Variants in LIN7A observed in about 807,000 individuals in gnomAD.
The protein encoded by LIN7A is protein lin-7 homolog A.
LIN7A carries 25 observed loss-of-function variants against 29.8 expected under a neutral mutation model. The observed-to-expected ratio is 0.84, with a 90% CI of 0.61 to 1.17. The LOEUF (loss-of-function observed/expected upper bound fraction) is 1.17. Ranked by LOEUF, LIN7A falls within the 50% of genes most tolerant of loss-of-function variation. LIN7A has a pLI of 0.00. For synonymous variants in LIN7A, 118 were observed against 107.5 expected, an observed-to-expected ratio of 1.10 and a Z score of -0.60; for missense variants, 239 against 287.0, an observed-to-expected ratio of 0.83 and a Z score of 1.21.
intron 4 of LIN7A, among the ~76,000 whole-genome samples, chr12:80,825,279 C>T (rs1872008026): frequency 6.6e-6 from 1 of 152,138 alleles, no homozygotes; most frequent in Admixed American, 6.5e-5. Context: ...TCATTTTTGC[C>T]CACTCTGCAA....
At chr12:80,886,208 T>A (rs1163143372) in intron 2 of LIN7A, among the ~76,000 whole-genome samples, 1 of 152,010 alleles carries the variant, frequency 6.6e-6, no homozygotes, top group African/African-American at 2.4e-5. Context: ...TTCAAAGTTT[T>A]TTTTTTTTGC....
At chr12:80,823,002 A>G (rs1190306016) in intron 4 of LIN7A, among the ~76,000 whole-genome samples, 1 of 152,138 alleles carries the variant, frequency 6.6e-6, no homozygotes, top group Admixed American at 6.5e-5. Flanking sequence ...TCTGAAGCCC[A>G]TACAAACCCC....
At chr12:80,924,640 G>A (rs1442674309) in intron 1 of LIN7A, among the ~76,000 whole-genome samples, 1 of 152,138 alleles carries the variant, frequency 6.6e-6, no homozygotes, top group Non-Finnish European at 1.5e-5. Context: ...TGGATCCAAA[G>A]CTCATACCCC....
chr12:80,813,019 AT>A (rs201947094), intron 4 of LIN7A, among the ~76,000 whole-genome samples: 111 of 151,432 alleles, frequency 7.3e-4, no homozygotes, highest in Middle Eastern at 6.9e-3. Flanking sequence ...ATACAGATAT[AT>A]TTTTTTTTGA....
chr12:80,895,956 C>T (rs1473688993), intron 1 of LIN7A, among the ~76,000 whole-genome samples: 1 of 152,198 alleles, frequency 6.6e-6, no homozygotes, highest in Non-Finnish European at 1.5e-5. Flanking sequence ...ATATATGCTT[C>T]ACTATTTGGT....
At chr12:80,912,012 C>CTATT (rs2307972) in intron 1 of LIN7A, among the ~76,000 whole-genome samples, 110,790 of 151,756 alleles carry the variant, frequency 0.73, 43,071 homozygotes, top group Non-Finnish European at 0.88. Flanking sequence ...ATTTATTTCT[C>CTATT]TATTAACAGA....
intron 1 of LIN7A, among the ~76,000 whole-genome samples, chr12:80,896,010 C>G (rs890471673): frequency 6.6e-6 from 1 of 152,156 alleles, no homozygotes; most frequent in African/African-American, 2.4e-5. Flanking sequence ...GCCAGGAGAG[C>G]AGGTGACTTT....
At chr12:80,889,638 G>A (rs1235484092) in intron 1 of LIN7A, among the ~76,000 whole-genome samples, 1 of 152,132 alleles carries the variant, frequency 6.6e-6, no homozygotes, top group Non-Finnish European at 1.5e-5. Flanking sequence ...TGTCAGTAAA[G>A]AGTTGGACAC....
chr12:80,904,176 T>C (rs189247733), intron 1 of LIN7A, among the ~76,000 whole-genome samples: 10 of 152,166 alleles, frequency 6.6e-5, no homozygotes, highest in Admixed American at 6.5e-4. Flanking sequence ...ATTTATTTAT[T>C]TTTAATCAAC....
chr12:80,898,155 G>GT (rs1235051211), intron 1 of LIN7A, among the ~76,000 whole-genome samples: 8 of 152,182 alleles, frequency 5.3e-5, no homozygotes, highest in Admixed American at 5.2e-4. Context: ...TGTGTGTGGT[G>GT]TAAGGAAGGG....
At chr12:80,892,224 T>C (rs1875661924) in intron 1 of LIN7A, among the ~76,000 whole-genome samples, 1 of 152,238 alleles carries the variant, frequency 6.6e-6, no homozygotes, top group South Asian at 2.1e-4. Flanking sequence ...TCCACATCCC[T>C]GTGTCTTGGC....
intron 5 of LIN7A, among the ~76,000 whole-genome samples, chr12:80,798,557 A>C (rs1008464553): frequency 2.0e-5 from 3 of 152,192 alleles, no homozygotes; most frequent in Non-Finnish European, 2.9e-5. Context: ...ATTATATAAC[A>C]ACACATAAGC....
At chr12:80,881,158 G>A (rs1875009663) in intron 2 of LIN7A, among the ~76,000 whole-genome samples, 1 of 72,920 alleles carries the variant, frequency 1.4e-5, no homozygotes, top group Non-Finnish European at 6.0e-5. Flanking sequence ...TCTTCTCCAG[G>A]GGAAAAAAAT....
chr12:80,872,029 T>G (rs1874452189), intron 2 of LIN7A, among the ~76,000 whole-genome samples: 1 of 152,116 alleles, frequency 6.6e-6, no homozygotes. Flanking sequence ...GAAATTCAAG[T>G]TGAAGAAAAT....
At chr12:80,820,593 G>A (rs1871751305) in intron 4 of LIN7A, among the ~76,000 whole-genome samples, 1 of 151,186 alleles carries the variant, frequency 6.6e-6, no homozygotes, top group South Asian at 2.1e-4. Flanking sequence ...ACCAAAAGGG[G>A]GGAAAAGTCC....
intron 4 of LIN7A, among the ~76,000 whole-genome samples, chr12:80,845,088 T>A (rs1056489651): frequency 1.6e-4 from 25 of 151,834 alleles, no homozygotes; most frequent in Non-Finnish European, 2.9e-5. Flanking sequence ...AATACAAAAA[T>A]TAACCGGGCT....
intron 1 of LIN7A, among the ~76,000 whole-genome samples, chr12:80,932,987 C>G (rs1270342820): frequency 6.6e-6 from 1 of 152,182 alleles, no homozygotes; most frequent in Non-Finnish European, 1.5e-5. Context: ...GAATTCCACA[C>G]TAATCTCCTT....
At chr12:80,817,364 T>C (rs542253051) in intron 4 of LIN7A, among the ~76,000 whole-genome samples, 2 of 152,314 alleles carry the variant, frequency 1.3e-5, no homozygotes, top group Middle Eastern at 3.4e-3. Flanking sequence ...ATGTGATCTG[T>C]GCACTATCAG....
At chr12:80,913,764 G>A (rs561351807) in intron 1 of LIN7A, among the ~76,000 whole-genome samples, 1 of 152,136 alleles carries the variant, frequency 6.6e-6, no homozygotes, top group Non-Finnish European at 1.5e-5. Context: ...TCAACTATTT[G>A]TTGCCACAGC....
Sources: gnomAD v4.1 joint callset for allele counts (sites outside exome capture counted in the v4.1 genomes callset) on GRCh38, gnomAD v4.1.1 for gene constraint, MANE v1.5 for transcripts, NCBI Gene and HGNC (gene_info 2026-07-23, HGNC 2026-07-21) for gene names.